NDST4: variants seen among roughly 807,000 people sequenced by gnomAD.
NDST4 encodes N-deacetylase and N-sulfotransferase 4.
NDST4 carries 63 observed loss-of-function variants against 100.8 expected under a neutral mutation model. That is an observed-to-expected ratio of 0.62 (90% CI 0.51 to 0.77). The LOEUF is 0.77. Ranked by LOEUF, NDST4 falls within the 30% of genes least tolerant of loss-of-function variation. The pLI is 0.00. For missense variants in NDST4, 943 were observed against 1,018.4 expected (o/e 0.93, Z 1.01); for synonymous variants, 377 against 361.8 (o/e 1.04, Z -0.48).
intron 6 of NDST4, among the ~76,000 whole-genome samples, chr4:114,896,299 A>C (rs749676112): frequency 2.6e-5 from 4 of 152,000 alleles, no homozygotes; most frequent in Non-Finnish European, 4.4e-5. Flanking sequence ...CTTTTGAGTG[A>C]GGGTGAAGGT....
chr4:115,066,478 G>A (rs1293081484), intron 2 of NDST4, among the ~76,000 whole-genome samples: 2 of 152,066 alleles, frequency 1.3e-5, no homozygotes, highest in Non-Finnish European at 2.9e-5. Flanking sequence ...ATCCTGTACA[G>A]TAACTGTCCT....
At position 115,034,919 on chromosome 4, in the gene NDST4, TC is replaced by T. The variant is rs1250575857; in HGVS notation, c.978+41139del. On this transcript the variant is annotated intron_variant, in intron 2 of 13. Coordinates refer to ENST00000264363, the MANE Select transcript of NDST4 (RefSeq NM_022569.3). The stretch of plus-strand genomic sequence containing the variant: ...TGCAATCTGAAACTCTTCCTATCTA[TC>T]CTCCTTTCTTCTTCCTCTCTTTTAC... Among the ~76,000 whole-genome samples the T allele has an allele frequency of 3.9e-5, 6 of 152,244 alleles. No homozygotes were observed. The East Asian group carries it at 1.2e-3, about 29-fold the overall frequency.
intron 1 of NDST4, among the ~76,000 whole-genome samples, chr4:115,105,966 T>C (rs1479016579): frequency 1.3e-5 from 2 of 152,112 alleles, no homozygotes; most frequent in African/African-American, 4.8e-5. Flanking sequence ...TTCTCACATT[T>C]TACATTTATC....
rs189829895 is a variant in NDST4 at position 114,827,783 on chromosome 4, G to T, written c.*33C>A. The T allele has an allele frequency of 1.3e-3, 2,101 of 1,594,074 alleles. 26 individuals are homozygous for T. The Admixed American group carries it at 0.028, about 21-fold the overall frequency. On this transcript the variant is annotated 3_prime_UTR_variant, in exon 14 of 14. Coordinates refer to ENST00000264363, the MANE Select transcript of NDST4 (RefSeq NM_022569.3). ...ATTTATTTTTTTTTTAACACTAAAA[G>T]TATCTTGAGAGGCTTAGTTCTTGTC... is the stretch of plus-strand genomic sequence containing the variant.
intron 5 of NDST4, among the ~76,000 whole-genome samples, chr4:114,936,314 G>A (rs944279757): frequency 1.3e-5 from 2 of 152,068 alleles, no homozygotes; most frequent in African/African-American, 2.4e-5. Flanking sequence ...GCTTCTTCAG[G>A]CCTTCTGGTA....
intron 2 of NDST4, among the ~76,000 whole-genome samples, chr4:114,995,314 T>A (rs911817199): frequency 5.3e-5 from 8 of 152,080 alleles, no homozygotes; most frequent in African/African-American, 1.9e-4. Context: ...CTGATAATAT[T>A]CTTATTTGAA....
intron 2 of NDST4, among the ~76,000 whole-genome samples, chr4:115,052,082 T>G (rs1728595208): frequency 6.6e-6 from 1 of 152,160 alleles, no homozygotes; most frequent in Non-Finnish European, 1.5e-5. Context: ...ATGTCTTCTT[T>G]TAAGAAACAT....
At chr4:114,867,664 G>GAAAAAAAAAAA (rs1491405935) in intron 7 of NDST4, among the ~76,000 whole-genome samples, 1 of 26,084 alleles carries the variant, frequency 3.8e-5, no homozygotes, top group Non-Finnish European at 9.7e-5. Context: ...AAAAAAAAAA[G>GAAAAAAAAAAA]CAAAAAAAAA....
intron 7 of NDST4, among the ~76,000 whole-genome samples, chr4:114,863,490 T>C (rs913610012): frequency 1.3e-5 from 2 of 152,268 alleles, no homozygotes; most frequent in African/African-American, 4.8e-5. Flanking sequence ...TGCACTTTCT[T>C]ACTTTGTTCT....
At chr4:115,093,352 G>A (rs1468681768) in intron 1 of NDST4, among the ~76,000 whole-genome samples, 1 of 152,022 alleles carries the variant, frequency 6.6e-6, no homozygotes, top group Non-Finnish European at 1.5e-5. Context: ...GCGGGTGCCT[G>A]TAGTCCCAGC....
Position 114,910,336 on chromosome 4 carries a change from A to G in NDST4, c.1536+24870T>C, listed in dbSNP as rs148249675. On this transcript the variant is annotated intron_variant, in intron 6 of 13. Transcript: ENST00000264363. ...AGAATTACCATTTCAGGAAATGTAC[A>G]TCTCTATTAAGGAGAAAAAAGAGCC... 4.5e-3 allele frequency among the ~76,000 whole-genome samples: 687 copies of G among 152,272 alleles called. 2 individuals are homozygous for G. Among genetic ancestry groups the G allele is most frequent in the Non-Finnish European group, 6.6e-3 (447 of 68,006 alleles).
intron 1 of NDST4, among the ~76,000 whole-genome samples, chr4:115,100,966 T>C (rs1729718619): frequency 6.6e-6 from 1 of 151,744 alleles, no homozygotes; most frequent in East Asian, 1.9e-4. Context: ...TCGTGAATAT[T>C]TTCATATGAA....
At chr4:114,890,514 A>C (rs951938902) in intron 6 of NDST4, among the ~76,000 whole-genome samples, 1 of 152,122 alleles carries the variant, frequency 6.6e-6, no homozygotes, top group Admixed American at 6.6e-5. Flanking sequence ...TTTTCACTAA[A>C]TATATGGAGA....
intron 2 of NDST4, among the ~76,000 whole-genome samples, chr4:115,028,513 C>G (rs1050426110): frequency 2.6e-5 from 4 of 151,100 alleles, no homozygotes; most frequent in Non-Finnish European, 4.4e-5. Flanking sequence ...TGAGCTGGCC[C>G]TAGAGGTAGC....
intron 6 of NDST4, among the ~76,000 whole-genome samples, chr4:114,893,046 C>A (rs1273011571): frequency 6.6e-6 from 1 of 152,228 alleles, no homozygotes; most frequent in Non-Finnish European, 1.5e-5. Context: ...TTTCCATCTT[C>A]ATCCATGTCC....
At chr4:115,054,643 G>A (rs919105977) in intron 2 of NDST4, among the ~76,000 whole-genome samples, 2 of 152,150 alleles carry the variant, frequency 1.3e-5, no homozygotes, top group African/African-American at 4.8e-5. Flanking sequence ...ATTTTCTTCT[G>A]ACATTTCAAT....
intron 2 of NDST4, among the ~76,000 whole-genome samples, chr4:114,990,948 T>C (rs927025471): frequency 6.6e-6 from 1 of 152,176 alleles, no homozygotes; most frequent in East Asian, 1.9e-4. Flanking sequence ...CTCTTATTGC[T>C]CTAAGGCCTG....
intron 4 of NDST4, among the ~76,000 whole-genome samples, chr4:114,940,326 A>T (rs973559059): frequency 1.3e-5 from 2 of 152,230 alleles, no homozygotes; most frequent in Non-Finnish European, 2.9e-5. Context: ...TATATGAAAA[A>T]GATCACCATT....
intron 1 of NDST4, among the ~76,000 whole-genome samples, chr4:115,112,157 T>C (rs1178462609): frequency 1.3e-5 from 2 of 149,704 alleles, no homozygotes; most frequent in African/African-American, 2.5e-5. Flanking sequence ...TATAGCTAAC[T>C]GGCATACTTT....
Sources: gnomAD v4.1 joint callset for allele counts (sites outside exome capture counted in the v4.1 genomes callset) on GRCh38, gnomAD v4.1.1 for gene constraint, MANE v1.5 for transcripts, NCBI Gene and HGNC (gene_info 2026-07-23, HGNC 2026-07-21) for gene names.